Variants in DNAJC9 observed in about 807,000 individuals in gnomAD.
DNAJC9 encodes the protein dnaJ homolog subfamily C member 9.
Under a neutral mutation model 32.4 loss-of-function variants are expected in DNAJC9, and 18 were observed. That is an observed-to-expected ratio of 0.56 (90% confidence interval 0.38 to 0.82). The LOEUF is 0.82. Ranked by LOEUF, DNAJC9 falls within the 40% of genes least tolerant of loss-of-function variation. The pLI is 0.00. For missense variants in DNAJC9, 310 were observed against 321.8 expected (o/e 0.96, Z 0.28); for synonymous variants, 113 against 122.1 (o/e 0.93, Z 0.49).
At chr10:73,244,166 T>C (rs755283387) in intron 3 of DNAJC9, 9 of 519,918 alleles carry the variant, frequency 1.7e-5, no homozygotes, top group Non-Finnish European at 2.4e-5. Context: ...CTAGAGGTAG[T>C]AAGTACTCTG....
downstream of DNAJC9, chr10:73,235,033 CTG>C (rs1328713789): frequency 3.3e-6 from 5 of 1,495,604 alleles, no homozygotes; most frequent in Non-Finnish European, 4.5e-6. Context: ...TTGATTTATA[CTG>C]TGTTTTGTCA....
Position 73,243,446 on chromosome 10 carries a change from G to C in DNAJC9, c.737C>G (p.Ser246Cys). ...AGCAGATTTTTTCCCTCCTCCTTTG[G>C]AAGATTTGCAGTACTTTGCTTCCAT... ...AQMEAKYCKSSKGGGKKSALK... is the reference protein window; with the variant it reads ...AQMEAKYCKSCKGGGKKSALK... The change falls in exon 5 of 5, where the codon TCC becomes TGC. Residue 246 changes from serine (S) to cysteine (C), a missense_variant. Coordinates refer to ENST00000372950, the MANE Select transcript of DNAJC9 (RefSeq NM_015190.5). 6.2e-7 allele frequency: 1 copy of C among 1,613,854 alleles called. No individual in the cohort carries two copies. The highest frequency in any genetic ancestry group is 1.3e-5 in the African/African-American group (1 of 74,980).
chr10:73,246,346 A>G (rs2044009783), intron 2 of DNAJC9, among the ~76,000 whole-genome samples, 170 bp from the exon 3 acceptor site: 1 of 145,868 alleles, frequency 6.9e-6, no homozygotes, highest in Non-Finnish European at 1.5e-5. Context: ...TCCTTTTTAA[A>G]TCCAATCTTC....
downstream of DNAJC9, chr10:73,239,402 G>T (rs2043894263): frequency 1.9e-6 from 3 of 1,544,910 alleles, no homozygotes; most frequent in Non-Finnish European, 2.6e-6. Flanking sequence ...TGGGGCCATG[G>T]CCCTTATTTA....
downstream of DNAJC9, among the ~76,000 whole-genome samples, chr10:73,236,882 ATTT>A (rs948626765): frequency 6.6e-6 from 1 of 150,762 alleles, no homozygotes; most frequent in African/African-American, 2.4e-5. Flanking sequence ...TGCCCTGCTA[ATTT>A]TTTTATTTTG....
chr10:73,235,138 C>CA, downstream of DNAJC9: 1 of 1,533,054 alleles, frequency 6.5e-7, no homozygotes, highest in East Asian at 2.4e-5. Context: ...GTTTTAACTA[C>CA]ATACCACATT....
chr10:73,245,077 T>C (rs115697507), intron 3 of DNAJC9, among the ~76,000 whole-genome samples: 4 of 152,178 alleles, frequency 2.6e-5, no homozygotes, highest in Admixed American at 2.6e-4. Flanking sequence ...TCTTAGCAGA[T>C]GTAGCCTATG....
downstream of DNAJC9, among the ~76,000 whole-genome samples, chr10:73,240,499 T>C (rs545646447): frequency 6.6e-6 from 1 of 151,982 alleles, no homozygotes; most frequent in Non-Finnish European, 1.5e-5. Flanking sequence ...GATCACGAGG[T>C]CAGCATATTG....
At position 73,247,107 on chromosome 10, in the gene DNAJC9, T is replaced by A; in HGVS notation, c.83A>T (p.Asp28Val). ...RVLGVRREAS[D>V]GEVRRGYHKV... Reference sequence around the variant, plus strand: ...GTGGTAGCCTCGTCGGACCTCGCCGTCGGAGGCCTCGCGTCGCACGCCCAG... The same window carrying A: ...GTGGTAGCCTCGTCGGACCTCGCCGACGGAGGCCTCGCGTCGCACGCCCAG... The change falls in exon 1 of 5, where the codon GAC becomes GTC. Residue 28 changes from aspartate (D) to valine (V), a missense_variant. By Grantham distance (152) the Asp-to-Val change is radical (BLOSUM62 -3). Transcript: ENST00000372950. 1.3e-6 allele frequency: 2 copies of A among 1,595,186 alleles called. No homozygotes were observed. Among genetic ancestry groups the A allele is most frequent in the Non-Finnish European group, 1.7e-6 (2 of 1,171,824 alleles).
chr10:73,246,909 C>G (rs1344942153), intron 1 of DNAJC9, 81 bp from the exon 2 acceptor site: 2 of 1,600,388 alleles, frequency 1.2e-6, no homozygotes, highest in African/African-American at 2.7e-5. Flanking sequence ...CAGAAGGCGC[C>G]AAGCGGAGCT....
chr10:73,238,406 G>T (rs147378922), downstream of DNAJC9, among the ~76,000 whole-genome samples: 78 of 152,324 alleles, frequency 5.1e-4, 1 homozygote, highest in African/African-American at 1.9e-3. Context: ...CTAGCACTTT[G>T]CTCCTTGCTG....
At chr10:73,239,629 T>C (rs2043897922), downstream of DNAJC9, among the ~76,000 whole-genome samples, 1 of 151,830 alleles carries the variant, frequency 6.6e-6, no homozygotes, top group Admixed American at 6.6e-5. Context: ...GTAAATTAAC[T>C]TCTCACTACT....
Position 73,247,229 on chromosome 10 carries a change from C to CA in DNAJC9, c.-41dup. 2 of 1,564,548 alleles carry CA rather than the reference C, an allele frequency of 1.3e-6. No homozygotes were observed. Among genetic ancestry groups the CA allele is most frequent in the Non-Finnish European group, 1.7e-6 (2 of 1,155,588 alleles). ...CGACCCCGGAGGAAGCAGCCGCTCC[C>CA]AGCTGCGCCGGGTACAACCCAGGAC... On this transcript the variant is annotated 5_prime_UTR_variant, in exon 1 of 5. Transcript: ENST00000372950.
Position 73,245,923 on chromosome 10 carries a change from C to T in DNAJC9, c.575G>A (p.Arg192Lys), listed in dbSNP as rs184712116. 1.2e-6 allele frequency: 2 copies of T among 1,611,126 alleles called. No homozygotes were observed. Among genetic ancestry groups the T allele is most frequent in the African/African-American group, 2.7e-5 (2 of 74,826 alleles). Residue 192 changes from arginine to lysine, a missense_variant and splice_region_variant, in exon 3 of 5, where the codon AGG (arginine) becomes AAG (lysine). Arg to Lys is a conservative substitution (Grantham distance 26, BLOSUM62 2). Coordinates refer to ENST00000372950, the MANE Select transcript of DNAJC9 (RefSeq NM_015190.5). ...SKQKMNARKRRAQEEAKEAEM... is the reference protein window; with the variant it reads ...SKQKMNARKRKAQEEAKEAEM... ...AATCCACAGTATTCAAAATCTTACC[C>T]TCCTTTTCCTTGCATTCATCTTTTG...
At chr10:73,246,542 G>A (rs2044012300) in intron 2 of DNAJC9, 146 bp downstream of exon 2, 2 of 881,252 alleles carry the variant, frequency 2.3e-6, no homozygotes, top group African/African-American at 3.4e-5. Flanking sequence ...TTCAGTAAGC[G>A]TGCGTGTATC....
chr10:73,246,838 A>C lies in DNAJC9; in HGVS notation c.181-10T>G. 6.2e-7 allele frequency: 1 copy of C among 1,613,742 alleles called. No individual in the cohort carries two copies. The highest frequency in any genetic ancestry group is 8.5e-7 in the Non-Finnish European group (1 of 1,179,972). ...AGACTTTTCCCAGGATCTGAGGGCA[A>C]AGAGTATCCGTAAATCACCCCTGCT... On this transcript the variant is annotated splice_polypyrimidine_tract_variant and intron_variant, in intron 1 of 4. Coordinates refer to ENST00000372950, the MANE Select transcript of DNAJC9 (RefSeq NM_015190.5).
At chr10:73,236,740 T>A (rs2043832322), downstream of DNAJC9, among the ~76,000 whole-genome samples, 2 of 150,460 alleles carry the variant, frequency 1.3e-5, no homozygotes, top group Non-Finnish European at 3.0e-5. Context: ...TTTTTTTTTT[T>A]AAGACAGGGT....
chr10:73,244,220 G>C (rs1426173021), intron 3 of DNAJC9: 1 of 350,968 alleles, frequency 2.8e-6, no homozygotes, highest in Non-Finnish European at 5.2e-6. Context: ...ATGAGGCCGG[G>C]TATGGTGGCT....
intron 2 of DNAJC9, chr10:73,232,825 T>C: frequency 1.6e-6 from 1 of 644,332 alleles, no homozygotes; most frequent in East Asian, 2.7e-5. Context: ...TTTTTATTTT[T>C]GCTTTATTTC....
Sources: allele counts gnomAD v4.1 joint callset (sites outside exome capture counted in the v4.1 genomes callset), GRCh38; gene constraint gnomAD v4.1.1; transcripts MANE v1.5; gene names NCBI Gene and HGNC (gene_info 2026-07-23, HGNC 2026-07-21).